Variants in COBL observed in about 807,000 individuals in gnomAD.
The protein encoded by COBL is protein cordon-bleu.
In COBL, 51 loss-of-function variants were observed where a neutral mutation model predicts 98.8. That is an observed-to-expected ratio of 0.52 (90% confidence interval 0.41 to 0.65). COBL has a LOEUF of 0.65. Ranked by LOEUF, COBL falls within the 30% of genes least tolerant of loss-of-function variation. The pLI, the probability that COBL is intolerant of heterozygous loss-of-function variation, is 0.00. For synonymous variants in COBL, 634 were observed against 651.7 expected, an observed-to-expected ratio of 0.97 and a Z score of 0.41; for missense variants, 1,617 against 1,617.5, an observed-to-expected ratio of 1.00 and a Z score of 0.01.
At chr7:51,222,341 T>C (rs1358183208) in intron 1 of COBL, among the ~76,000 whole-genome samples, 2 of 152,212 alleles carry the variant, frequency 1.3e-5, no homozygotes, top group Admixed American at 6.5e-5. Flanking sequence ...TTTCAATTTA[T>C]AGAAATAAAA....
intron 2 of COBL, among the ~76,000 whole-genome samples, chr7:51,206,297 G>A (rs960967113): frequency 1.3e-5 from 2 of 152,092 alleles, no homozygotes; most frequent in African/African-American, 4.8e-5. Context: ...TTCAAGACCA[G>A]CCTGGCCAAC....
At chr7:51,042,851 TC>T (rs1789337871) in intron 8 of COBL, among the ~76,000 whole-genome samples, 1 of 152,210 alleles carries the variant, frequency 6.6e-6, no homozygotes, top group African/African-American at 2.4e-5. Flanking sequence ...CTGACCTTAA[TC>T]ACTGGCATCG....
chr7:51,172,314 T>C (rs1584047291), intron 5 of COBL: 1 of 295,566 alleles, frequency 3.4e-6, no homozygotes, highest in East Asian at 1.2e-4. Context: ...AAAGAATCAA[T>C]AGGCGGCTTT....
chr7:51,151,823 G>A (rs1461675379), intron 5 of COBL, among the ~76,000 whole-genome samples: 3 of 152,342 alleles, frequency 2.0e-5, no homozygotes, highest in South Asian at 2.1e-4. Flanking sequence ...AGGGCTCTGT[G>A]TGCCTGGCTC....
chr7:51,312,465 T>A (rs1803151726), intron 1 of COBL, among the ~76,000 whole-genome samples: 2 of 152,232 alleles, frequency 1.3e-5, no homozygotes, highest in South Asian at 4.1e-4. Context: ...TGGTATCAAA[T>A]ATTTATGCTC....
At chr7:51,276,605 G>C (rs144186507) in intron 1 of COBL, among the ~76,000 whole-genome samples, 1,641 of 152,354 alleles carry the variant, frequency 0.011, 24 homozygotes, top group African/African-American at 0.037. Flanking sequence ...GACTGCACAA[G>C]GTGTGGGGGA....
At chr7:51,072,478 C>G (rs1387425561) in intron 7 of COBL, 2 of 152,186 alleles carry the variant, frequency 1.3e-5, no homozygotes, top group East Asian at 1.9e-4. Flanking sequence ...CATGTACAAC[C>G]CTTGTGACTA....
At chr7:51,061,626 T>G (rs1791368468) in intron 7 of COBL, among the ~76,000 whole-genome samples, 1 of 152,172 alleles carries the variant, frequency 6.6e-6, no homozygotes, top group Non-Finnish European at 1.5e-5. Context: ...TGAGGCTGTT[T>G]ACCAGAGTGA....
chr7:51,306,515 G>A (rs1199620167), intron 1 of COBL, among the ~76,000 whole-genome samples: 1 of 152,078 alleles, frequency 6.6e-6, no homozygotes, highest in East Asian at 1.9e-4. Flanking sequence ...CACTGAGCTG[G>A]GCCAACATCC....
chr7:51,109,775 T>C (rs1365365211), intron 6 of COBL, among the ~76,000 whole-genome samples: 1 of 152,096 alleles, frequency 6.6e-6, no homozygotes, highest in Non-Finnish European at 1.5e-5. Context: ...AATGTATGTC[T>C]CGTGAGGGGA....
intron 2 of COBL, among the ~76,000 whole-genome samples, chr7:51,208,823 C>A (rs560668148): frequency 6.6e-6 from 1 of 152,066 alleles, no homozygotes; most frequent in Non-Finnish European, 1.5e-5. Context: ...GGATTAAGGG[C>A]GGTGCAAGAT....
At chr7:51,278,253 C>T (rs968442643) in intron 1 of COBL, among the ~76,000 whole-genome samples, 2 of 152,048 alleles carry the variant, frequency 1.3e-5, no homozygotes, top group Admixed American at 6.6e-5. Flanking sequence ...ATTGAGAAGC[C>T]GTCCCAAGGA....
intron 7 of COBL, among the ~76,000 whole-genome samples, chr7:51,060,480 A>G (rs919512918): frequency 9.2e-5 from 14 of 152,294 alleles, no homozygotes; most frequent in African/African-American, 3.1e-4. Flanking sequence ...AGCTGGTTTG[A>G]TAGAACAGTA....
chr7:51,225,351 T>A (rs1343963437), intron 1 of COBL, among the ~76,000 whole-genome samples: 1 of 152,184 alleles, frequency 6.6e-6, no homozygotes, highest in African/African-American at 2.4e-5. Flanking sequence ...TTAAAAAGAG[T>A]AGGCCTTCTG....
intron 1 of COBL, among the ~76,000 whole-genome samples, chr7:51,249,999 G>A (rs549884473): frequency 6.5e-4 from 99 of 152,222 alleles, no homozygotes; most frequent in African/African-American, 2.3e-3. Flanking sequence ...CTACTCAGGA[G>A]GCTGAGGCAG....
intron 1 of COBL, among the ~76,000 whole-genome samples, chr7:51,222,037 A>G (rs1400581356): frequency 6.6e-6 from 1 of 151,916 alleles, no homozygotes; most frequent in Non-Finnish European, 1.5e-5. Context: ...AAAATACAAA[A>G]AATTAGCCAG....
intron 6 of COBL, among the ~76,000 whole-genome samples, chr7:51,090,505 G>A (rs938287848): frequency 6.6e-6 from 1 of 152,194 alleles, no homozygotes; most frequent in African/African-American, 2.4e-5. Context: ...CAGCTTTTCA[G>A]GGGGGCTGCC....
At chr7:51,030,238 T>A (rs1788012372) in intron 9 of COBL, among the ~76,000 whole-genome samples, 1 of 152,226 alleles carries the variant, frequency 6.6e-6, no homozygotes, top group Admixed American at 6.5e-5. Flanking sequence ...AATATCTAAT[T>A]TTTAGTTTAT....
intron 2 of COBL, among the ~76,000 whole-genome samples, chr7:51,197,791 G>C (rs537897226): frequency 6.6e-6 from 1 of 151,780 alleles, no homozygotes; most frequent in Admixed American, 6.6e-5. Context: ...TTTTTTTATC[G>C]TTGTTGATTT....
Sources: gnomAD v4.1 joint callset for allele counts (sites outside exome capture counted in the v4.1 genomes callset) on GRCh38, gnomAD v4.1.1 for gene constraint, MANE v1.5 for transcripts, NCBI Gene and HGNC (gene_info 2026-07-23, HGNC 2026-07-21) for gene names.